PIK3AP1: variants seen among roughly 807,000 people sequenced by gnomAD.
PIK3AP1 encodes the protein phosphoinositide-3-kinase adaptor protein 1, also known as phosphoinositide 3-kinase adapter protein 1.
In PIK3AP1, 21 loss-of-function variants were observed where a neutral mutation model predicts 88.1. The observed-to-expected ratio is 0.24, with a 90% CI of 0.17 to 0.34. The LOEUF (loss-of-function observed/expected upper bound fraction) is 0.34, where lower values mean the gene tolerates loss of function less well. PIK3AP1 is among the 10% of genes least tolerant of loss of function. The pLI is 1.00. For synonymous variants in PIK3AP1, 398 were observed against 400.0 expected, an observed-to-expected ratio of 1.00 and a Z score of 0.06; for missense variants, 828 against 1,035.7, an observed-to-expected ratio of 0.80 and a Z score of 2.75.
At chr10:96,693,542 G>A (rs1165647400) in intron 2 of PIK3AP1, among the ~76,000 whole-genome samples, 1 of 152,174 alleles carries the variant, frequency 6.6e-6, no homozygotes, top group Non-Finnish European at 1.5e-5. Flanking sequence ...GCTGACAAAT[G>A]CAGGGTAGAG....
chr10:96,626,985 C>T, intron 9 of PIK3AP1, 80 bp from the exon 10 acceptor site: 1 of 1,368,100 alleles, frequency 7.3e-7, no homozygotes, highest in Non-Finnish European at 1.0e-6. Context: ...GAGTGAGGGA[C>T]CTTACTTTGT....
chr10:96,610,015 G>A (rs887582466), intron 13 of PIK3AP1, 148 bp from the exon 14 acceptor site: 8 of 978,370 alleles, frequency 8.2e-6, no homozygotes, highest in Non-Finnish European at 1.2e-5. Flanking sequence ...AGAGGGAGGG[G>A]CCCTGGGTTG....
intron 8 of PIK3AP1, among the ~76,000 whole-genome samples, chr10:96,640,814 C>T (rs1005215746): frequency 2.0e-5 from 3 of 151,908 alleles, no homozygotes; most frequent in Non-Finnish European, 4.4e-5. Flanking sequence ...TGTGCCACCA[C>T]GCCCTGCTAA....
chr10:96,709,638 T>C lies in PIK3AP1; in HGVS notation c.359A>G (p.His120Arg), dbSNP rs762096013. The C allele has an allele frequency of 8.1e-6, 13 of 1,614,198 alleles. No homozygotes were observed. The highest frequency in any genetic ancestry group is 1.1e-5 in the Non-Finnish European group (13 of 1,180,034). Residue 120 changes from histidine (H) to arginine (R), a missense_variant, in exon 2 of 17, where the codon CAT (histidine) becomes CGT (arginine). Coordinates refer to ENST00000339364, the MANE Select transcript of PIK3AP1 (RefSeq NM_152309.3). The stretch of plus-strand genomic sequence containing the variant: ...ATCGTCACAGGTGAGCTCCTGCCAA[T>C]GGGCCCAATCTGGAAAGAAGTCTAG... ...EFLDFFPDWA[H>R]WQELTCDDEP...
At chr10:96,669,840 G>A (rs1030415276) in intron 2 of PIK3AP1, among the ~76,000 whole-genome samples, 7 of 151,972 alleles carry the variant, frequency 4.6e-5, no homozygotes, top group African/African-American at 1.7e-4. Flanking sequence ...CTTGTACGAT[G>A]AGACTATAAA....
chr10:96,620,638 T>A, intron 11 of PIK3AP1, 81 bp from the exon 12 acceptor site: 1 of 1,235,814 alleles, frequency 8.1e-7, no homozygotes, highest in Non-Finnish European at 1.2e-6. Context: ...ATGAGGCTGG[T>A]CACAGGCTCA....
At position 96,609,807 on chromosome 10, in the gene PIK3AP1, C is replaced by T. The variant is rs750423650; in HGVS notation, c.2075G>A (p.Gly692Glu). The change falls in exon 14 of 17, where the codon GGA (glycine) becomes GAA (glutamate). Residue 692 changes from glycine (G) to glutamate (E), a missense_variant. Gly to Glu is a moderately conservative substitution (Grantham distance 98). Coordinates refer to ENST00000339364, the MANE Select transcript of PIK3AP1 (RefSeq NM_152309.3). ...TTTCCTGGGGCCACTCTCATAGACT[C>T]CAAACTCCACTTTTGCAGGCAGGTG... ...SQHLPAKVEF[G>E]VYESGPRKSV... The T allele has an allele frequency of 8.1e-6, 13 of 1,613,972 alleles. No individual in the cohort carries two copies. The highest frequency in any genetic ancestry group is 1.0e-5 in the Non-Finnish European group (12 of 1,179,974).
At chr10:96,715,290 A>G (rs1037343423) in intron 1 of PIK3AP1, among the ~76,000 whole-genome samples, 6 of 152,206 alleles carry the variant, frequency 3.9e-5, no homozygotes, top group Non-Finnish European at 5.9e-5. Flanking sequence ...AAAACAAGGA[A>G]AATCAGAGAA....
chr10:96,686,709 C>G (rs529068116), intron 2 of PIK3AP1, among the ~76,000 whole-genome samples: 28 of 152,242 alleles, frequency 1.8e-4, no homozygotes, highest in Admixed American at 3.9e-4. Flanking sequence ...CTGTTAAATA[C>G]AGAGACAGCA....
intron 4 of PIK3AP1, 47 bp from the exon 5 acceptor site, chr10:96,651,698 A>G: frequency 6.3e-7 from 1 of 1,599,922 alleles, no homozygotes; most frequent in Non-Finnish European, 8.5e-7. Flanking sequence ...AAAAACAAGC[A>G]TCCAGGGAAA....
In PIK3AP1 at chr10:96,656,912, A is replaced by G; in HGVS notation, c.453T>C (p.Thr151=). The stretch of plus-strand genomic sequence containing the variant: ...CCTTCTCGTCCTCAGGCTCAGTGTC[A>G]GTGACTGAGTCACAGCCAGAATCTA... ...ISEDSGCDSV[T]DTEPEDEKVV... Residue 151 remains threonine, a synonymous_variant, in exon 3 of 17, where the codon ACT becomes ACC. Coordinates refer to ENST00000339364, the MANE Select transcript of PIK3AP1 (RefSeq NM_152309.3). 1.2e-6 allele frequency: 2 copies of G among 1,613,676 alleles called. No individual in the cohort carries two copies. Among genetic ancestry groups the G allele is most frequent in the Non-Finnish European group, 1.7e-6 (2 of 1,179,744 alleles).
chr10:96,688,296 G>T (rs188776020), intron 2 of PIK3AP1, among the ~76,000 whole-genome samples: 128 of 152,276 alleles, frequency 8.4e-4, no homozygotes, highest in Middle Eastern at 3.4e-3. Context: ...AGTAAAGGGG[G>T]TTGGTGATAA....
intron 2 of PIK3AP1, among the ~76,000 whole-genome samples, chr10:96,675,570 C>T (rs542690309): frequency 1.1e-4 from 17 of 152,248 alleles, no homozygotes; most frequent in African/African-American, 4.1e-4. Flanking sequence ...CTCATGGCCA[C>T]CACATACATG....
At chr10:96,664,390 C>G (rs1429016953) in intron 2 of PIK3AP1, among the ~76,000 whole-genome samples, 1 of 152,182 alleles carries the variant, frequency 6.6e-6, no homozygotes, top group Non-Finnish European at 1.5e-5. Context: ...TCCCTCCCTC[C>G]TTCCTTCTAC....
chr10:96,638,120 G>C (rs1843336821), intron 8 of PIK3AP1, among the ~76,000 whole-genome samples: 3 of 152,204 alleles, frequency 2.0e-5, no homozygotes, highest in Admixed American at 6.5e-5. Context: ...GCTAGGAGCA[G>C]AGTGCCATGA....
chr10:96,628,224 G>C (rs566658231), intron 9 of PIK3AP1, among the ~76,000 whole-genome samples, 174 bp downstream of exon 9: 4 of 152,148 alleles, frequency 2.6e-5, no homozygotes, highest in Admixed American at 6.5e-5. Context: ...AAGGGCTGAC[G>C]GGGGAGCTCA....
intron 8 of PIK3AP1, chr10:96,633,099 C>G (rs377445447): frequency 2.0e-6 from 3 of 1,537,046 alleles, no homozygotes; most frequent in Non-Finnish European, 2.6e-6. Context: ...ACTCCAGAGG[C>G]GGAGCTTCCA....
chr10:96,642,501 A>G (rs572191913), intron 8 of PIK3AP1, among the ~76,000 whole-genome samples: 1 of 152,162 alleles, frequency 6.6e-6, no homozygotes, highest in Non-Finnish European at 1.5e-5. Context: ...AGAAAGAAAG[A>G]AAAAAAGGAA....
At chr10:96,684,975 T>C (rs911854781) in intron 2 of PIK3AP1, among the ~76,000 whole-genome samples, 4 of 152,206 alleles carry the variant, frequency 2.6e-5, no homozygotes, top group African/African-American at 4.8e-5. Flanking sequence ...TGTGTTTGCT[T>C]TTTTAAAAGA....
Sources: allele counts gnomAD v4.1 joint callset (sites outside exome capture counted in the v4.1 genomes callset), GRCh38; gene constraint gnomAD v4.1.1; transcripts MANE v1.5; gene names NCBI Gene and HGNC (gene_info 2026-07-23, HGNC 2026-07-21).